ARID2: variants seen among roughly 807,000 people sequenced by gnomAD.
ARID2 encodes the protein AT-rich interactive domain-containing protein 2.
Under a neutral mutation model 184.6 loss-of-function variants are expected in ARID2, and 32 were observed. That is an observed-to-expected ratio of 0.17 (90% CI 0.13 to 0.23). ARID2 has a LOEUF of 0.23. Ranked by LOEUF, ARID2 falls within the 10% of genes least tolerant of loss-of-function variation. ARID2 has a pLI of 1.00. For synonymous variants in ARID2, 836 were observed against 772.6 expected, an observed-to-expected ratio of 1.08 and a Z score of -1.36; for missense variants, 1,696 against 2,197.6, an observed-to-expected ratio of 0.77 and a Z score of 4.56.
rs1944517455 is a variant in ARID2, at chr12:45,905,780, G to A, written c.*702G>A. 1 of 232,856 alleles carries A rather than the reference G, an allele frequency of 4.3e-6. No individual in the cohort carries two copies. 14.4% of individuals were successfully genotyped at this position (232,856 alleles called of 1,614,324 possible). Reference sequence around the variant, plus strand: ...GGTGTCCTAGAAGCATTATTGGTAGGTTCTAAAGTTTTCTAGACTTTCCTG... The same window carrying A: ...GGTGTCCTAGAAGCATTATTGGTAGATTCTAAAGTTTTCTAGACTTTCCTG... On this transcript the variant is annotated 3_prime_UTR_variant, in exon 21 of 21. Coordinates refer to ENST00000334344, the MANE Select transcript of ARID2 (RefSeq NM_152641.4).
At chr12:45,794,632 C>T (rs1226998731) in intron 3 of ARID2, among the ~76,000 whole-genome samples, 2 of 152,092 alleles carry the variant, frequency 1.3e-5, no homozygotes, top group Admixed American at 6.6e-5. Flanking sequence ...GGATAGCTCC[C>T]GGTGTGTTCT....
At chr12:45,763,390 A>G (rs1941715619) in intron 3 of ARID2, among the ~76,000 whole-genome samples, 1 of 152,040 alleles carries the variant, frequency 6.6e-6, no homozygotes, top group Non-Finnish European at 1.5e-5. Context: ...GAATCACTTG[A>G]ACCCAGGAGG....
intron 11 of ARID2, among the ~76,000 whole-genome samples, chr12:45,844,905 A>G (rs1943414248): frequency 6.6e-6 from 1 of 152,230 alleles, no homozygotes; most frequent in African/African-American, 2.4e-5. Context: ...TGATTCCAAA[A>G]TGAGAGAAAA....
At chr12:45,859,272 C>T (rs959113216) in intron 15 of ARID2, among the ~76,000 whole-genome samples, 1 of 152,116 alleles carries the variant, frequency 6.6e-6, no homozygotes, top group Non-Finnish European at 1.5e-5. Flanking sequence ...TTACGGTTGC[C>T]TATAGTATTC....
At chr12:45,789,104 A>G (rs1942246658) in intron 3 of ARID2, 1 of 152,222 alleles carries the variant, frequency 6.6e-6, no homozygotes, top group Admixed American at 6.5e-5. Context: ...TATGAGTTCT[A>G]TAAATAGGCA....
intron 3 of ARID2, among the ~76,000 whole-genome samples, chr12:45,770,210 G>GCA (rs1941845274): frequency 6.6e-6 from 1 of 151,624 alleles, no homozygotes; most frequent in South Asian, 2.1e-4. Context: ...CCGAGATCGT[G>GCA]CCACTGCACT....
intron 16 of ARID2, among the ~76,000 whole-genome samples, chr12:45,885,070 CT>C (rs1383146703): frequency 6.6e-6 from 1 of 151,248 alleles, no homozygotes; most frequent in Non-Finnish European, 1.5e-5. Flanking sequence ...GTAGTTAGTA[CT>C]TTTTTTCTAT....
chr12:45,805,866 T>A (rs1321568822), intron 3 of ARID2, among the ~76,000 whole-genome samples: 1 of 152,132 alleles, frequency 6.6e-6, no homozygotes, highest in Non-Finnish European at 1.5e-5. Flanking sequence ...AACTTATTCA[T>A]ATTGTAGCTG....
intron 16 of ARID2, among the ~76,000 whole-genome samples, chr12:45,866,246 A>C (rs1040090053): frequency 1.6e-4 from 24 of 152,038 alleles, no homozygotes; most frequent in African/African-American, 5.8e-4. Flanking sequence ...TGTCTTTGTT[A>C]TCTGCATTGG....
At chr12:45,784,133 G>C (rs1157614923) in intron 3 of ARID2, among the ~76,000 whole-genome samples, 1 of 152,020 alleles carries the variant, frequency 6.6e-6, no homozygotes, top group African/African-American at 2.4e-5. Flanking sequence ...GGGACTACAG[G>C]TGTGTGCTGC....
intron 3 of ARID2, among the ~76,000 whole-genome samples, chr12:45,773,671 C>G (rs186541994): frequency 6.6e-6 from 1 of 151,500 alleles, no homozygotes; most frequent in Non-Finnish European, 1.5e-5. Flanking sequence ...ATACAAACTA[C>G]CAAAATTGAC....
chr12:45,816,803 A>G (rs1481374670), intron 4 of ARID2, among the ~76,000 whole-genome samples: 1 of 152,218 alleles, frequency 6.6e-6, no homozygotes, highest in African/African-American at 2.4e-5. Flanking sequence ...ACAAAAGACT[A>G]TATTGTGTGA....
chr12:45,810,148 T>A (rs1278934928), intron 3 of ARID2, among the ~76,000 whole-genome samples: 1 of 152,236 alleles, frequency 6.6e-6, no homozygotes, highest in African/African-American at 2.4e-5. Flanking sequence ...TCAATCAGTT[T>A]AACTTCTTAT....
intron 20 of ARID2, among the ~76,000 whole-genome samples, chr12:45,896,881 A>G (rs1301727425): frequency 1.3e-5 from 2 of 152,206 alleles, no homozygotes; most frequent in South Asian, 2.1e-4. Flanking sequence ...CATTGAAGCT[A>G]TAGAAAAAAT....
At chr12:45,785,181 G>A (rs538421458) in intron 3 of ARID2, among the ~76,000 whole-genome samples, 1 of 152,272 alleles carries the variant, frequency 6.6e-6, no homozygotes, top group South Asian at 2.1e-4. Context: ...GTAAATTATA[G>A]AGACAGGAGC....
intron 20 of ARID2, among the ~76,000 whole-genome samples, chr12:45,902,553 A>T (rs1483603535): frequency 6.7e-6 from 1 of 148,768 alleles, no homozygotes; most frequent in Admixed American, 6.7e-5. Flanking sequence ...TTTTTTTGAG[A>T]TGGAGTCTCG....
chr12:45,869,097 G>C (rs1223853925), intron 16 of ARID2, among the ~76,000 whole-genome samples: 3 of 151,812 alleles, frequency 2.0e-5, no homozygotes, highest in East Asian at 1.9e-4. Flanking sequence ...TTGGCTCACT[G>C]TAACCTTCGC....
At chr12:45,901,520 A>G (rs959911998) in intron 20 of ARID2, among the ~76,000 whole-genome samples, 4 of 151,854 alleles carry the variant, frequency 2.6e-5, no homozygotes, top group South Asian at 2.1e-4. Flanking sequence ...AGTTGTTACT[A>G]TTTTATAACA....
chr12:45,774,133 A>G (rs1767508886), intron 3 of ARID2, among the ~76,000 whole-genome samples: 1 of 152,182 alleles, frequency 6.6e-6, no homozygotes, highest in African/African-American at 2.4e-5. Flanking sequence ...ATTGAATCCG[A>G]ATTTATTTAA....
Sources: allele counts gnomAD v4.1 joint callset (sites outside exome capture counted in the v4.1 genomes callset), GRCh38; gene constraint gnomAD v4.1.1; transcripts MANE v1.5; gene names NCBI Gene and HGNC (gene_info 2026-07-23, HGNC 2026-07-21).